Variants in IQSEC1 observed in about 807,000 individuals in gnomAD.
IQSEC1 encodes IQ motif and Sec7 domain ArfGEF 1.
In IQSEC1, 31 loss-of-function variants were observed where a neutral mutation model predicts 91.0. That is an observed-to-expected ratio of 0.34 (90% CI 0.26 to 0.46). The LOEUF (loss-of-function observed/expected upper bound fraction) is 0.46. Among genes scored for constraint, IQSEC1 ranks in the 20% least tolerant of loss-of-function variants. The pLI, the probability that IQSEC1 is intolerant of heterozygous loss-of-function variation, is 1.00. For synonymous variants in IQSEC1, 699 were observed against 662.6 expected, an observed-to-expected ratio of 1.05 and a Z score of -0.84; for missense variants, 1,388 against 1,575.6, an observed-to-expected ratio of 0.88 and a Z score of 2.02.
At chr3:13,035,854 C>G (rs773938493) in intron 1 of IQSEC1, among the ~76,000 whole-genome samples, 3 of 152,220 alleles carry the variant, frequency 2.0e-5, no homozygotes, top group Admixed American at 6.5e-5. Flanking sequence ...CTACTTGGCT[C>G]TCTTTCCCTT....
chr3:13,107,799 G>C (rs1326912004), intron 2 of IQSEC1, among the ~76,000 whole-genome samples: 2 of 152,186 alleles, frequency 1.3e-5, no homozygotes, highest in African/African-American at 4.8e-5. Context: ...GCACAGACAC[G>C]GTGATGCGGT....
At chr3:13,146,153 AT>A (rs529843720) in intron 2 of IQSEC1, among the ~76,000 whole-genome samples, 7,685 of 137,262 alleles carry the variant, frequency 0.056, 281 homozygotes, top group African/African-American at 0.12. Flanking sequence ...ACACTCAGCT[AT>A]TTTTTTTTTT....
At chr3:13,055,219 C>T (rs1704832861) in intron 1 of IQSEC1, among the ~76,000 whole-genome samples, 1 of 152,352 alleles carries the variant, frequency 6.6e-6, no homozygotes, top group Admixed American at 6.5e-5. Flanking sequence ...TGGAACACTC[C>T]CTCCTCTGGG....
intron 1 of IQSEC1, among the ~76,000 whole-genome samples, chr3:13,200,813 G>A (rs1373479576): frequency 2.0e-5 from 3 of 152,194 alleles, no homozygotes; most frequent in African/African-American, 4.8e-5. Context: ...GACTCTGGGC[G>A]AGTCACTAAA....
At chr3:13,028,082 C>T (rs925275146) in intron 1 of IQSEC1, among the ~76,000 whole-genome samples, 6 of 152,182 alleles carry the variant, frequency 3.9e-5, no homozygotes, top group African/African-American at 1.4e-4. Flanking sequence ...ACGCCTGTGG[C>T]CCCTCAAAGC....
intron 2 of IQSEC1, among the ~76,000 whole-genome samples, chr3:12,941,284 G>A (rs550977286): frequency 8.5e-5 from 13 of 152,296 alleles, no homozygotes; most frequent in African/African-American, 2.9e-4. Flanking sequence ...ATGGAACCCG[G>A]GCCATGGCAA....
At chr3:13,104,729 C>T (rs1312993360) in intron 2 of IQSEC1, among the ~76,000 whole-genome samples, 1 of 152,234 alleles carries the variant, frequency 6.6e-6, no homozygotes, top group East Asian at 1.9e-4. Context: ...CTTCACCCCT[C>T]ACTCCGGCCA....
At chr3:13,267,648 C>T (rs1349535147) in intron 1 of IQSEC1, among the ~76,000 whole-genome samples, 12 of 147,040 alleles carry the variant, frequency 8.2e-5, no homozygotes, top group East Asian at 8.0e-4. Flanking sequence ...GACAGAGTCT[C>T]GCTCTGTCGC....
Position 13,214,922 on chromosome 3 carries a change from G to A in IQSEC1, c.273-50789C>T, listed in dbSNP as rs922222253. Among the ~76,000 whole-genome samples, 4 of 152,194 alleles carry A rather than the reference G, an allele frequency of 2.6e-5. No homozygotes were observed. Among genetic ancestry groups the A allele is most frequent in the East Asian group, 3.8e-4 (2 of 5,198 alleles). On this transcript the variant is annotated intron_variant, in intron 1 of 15. Transcript: ENST00000648114. This position sits in a 1 kb window ranked among gnomAD's most constrained non-coding sequence, Gnocchi z 4.5. The stretch of plus-strand genomic sequence containing the variant: ...CGAATGAACAGGCACCCGAGTGAAC[G>A]GATGAGTGGAATTTACTGCACCCAT...
intron 1 of IQSEC1, among the ~76,000 whole-genome samples, chr3:12,975,358 T>G (rs747037683): frequency 2.0e-5 from 3 of 152,240 alleles, no homozygotes; most frequent in Non-Finnish European, 4.4e-5. Flanking sequence ...TTGGTCTTCC[T>G]AAGCCTCCTT....
At chr3:13,033,240 C>T (rs1356707395) in intron 1 of IQSEC1, among the ~76,000 whole-genome samples, 1 of 152,178 alleles carries the variant, frequency 6.6e-6, no homozygotes, top group Non-Finnish European at 1.5e-5. Flanking sequence ...TCCTGACGAG[C>T]CCGAGGACAG....
In IQSEC1 at chr3:12,900,218, C is replaced by G. The variant is rs938269270; in HGVS notation, c.*765G>C. On this transcript the variant is annotated 3_prime_UTR_variant, in exon 14 of 14. Coordinates refer to ENST00000613206, the MANE Select transcript of IQSEC1 (RefSeq NM_001134382.3). ...TTTTAAACAGTTAGATGCTATGTTACTTGGCACAGTTAGTAATGATTGTGT... is the reference window on the plus strand; with the variant it reads ...TTTTAAACAGTTAGATGCTATGTTAGTTGGCACAGTTAGTAATGATTGTGT... The G allele has an allele frequency of 1.0e-6, 1 of 982,944 alleles. No individual in the cohort carries two copies. The highest frequency in any genetic ancestry group is 1.1e-4 in the East Asian group (1 of 8,818). 60.9% of individuals were successfully genotyped at this position (982,944 alleles called of 1,614,324 possible).
At chr3:13,250,579 G>A (rs549559957) in intron 1 of IQSEC1, among the ~76,000 whole-genome samples, 7 of 150,694 alleles carry the variant, frequency 4.6e-5, no homozygotes, top group East Asian at 3.9e-4. Context: ...GATTACAGGC[G>A]CCCGCCTCCA....
chr3:13,213,552 G>T (rs1367337885), intron 1 of IQSEC1, among the ~76,000 whole-genome samples: 1 of 152,166 alleles, frequency 6.6e-6, no homozygotes, highest in African/African-American at 2.4e-5. Context: ...CACGTTCTTG[G>T]AACCTGAAGG....
intron 2 of IQSEC1, among the ~76,000 whole-genome samples, chr3:13,088,726 C>T (rs1255059462): frequency 6.6e-6 from 1 of 152,244 alleles, no homozygotes; most frequent in South Asian, 2.1e-4. Flanking sequence ...TTATCCTCCT[C>T]CTAACTCTGC....
At chr3:13,065,168 T>G (rs1705193373) in intron 1 of IQSEC1, among the ~76,000 whole-genome samples, 1 of 152,074 alleles carries the variant, frequency 6.6e-6, no homozygotes, top group African/African-American at 2.4e-5. Context: ...TGGTCACACA[T>G]CCCCCAAGTT....
intron 2 of IQSEC1, among the ~76,000 whole-genome samples, chr3:13,116,097 T>C (rs1706329602): frequency 6.6e-6 from 1 of 152,214 alleles, no homozygotes; most frequent in South Asian, 2.1e-4. Context: ...ACCTTGTTGC[T>C]ACTTTATCCC....
intron 1 of IQSEC1, among the ~76,000 whole-genome samples, chr3:13,034,131 G>C (rs6800771): frequency 0.026 from 3,919 of 152,290 alleles, 180 homozygotes; most frequent in African/African-American, 0.088. Context: ...AATTCAGGGA[G>C]ACACTTTTCA....
chr3:13,162,745 G>T (rs535705396), intron 2 of IQSEC1, among the ~76,000 whole-genome samples: 1 of 152,050 alleles, frequency 6.6e-6, no homozygotes, highest in Non-Finnish European at 1.5e-5. Flanking sequence ...TTTCTCCATC[G>T]TGCACCAGGG....
Sources: gnomAD v4.1 joint callset for allele counts (sites outside exome capture counted in the v4.1 genomes callset) on GRCh38, gnomAD v4.1.1 for gene constraint, Gnocchi (gnomAD v3.1) non-coding constraint, MANE v1.5 for transcripts, NCBI Gene and HGNC (gene_info 2026-07-23, HGNC 2026-07-21) for gene names.